The following FARP1 variants were observed in gnomAD, a reference collection of about 807,000 sequenced individuals.
The protein encoded by FARP1 is FERM, ARHGEF and pleckstrin domain-containing protein 1.
FARP1 carries 52 observed loss-of-function variants against 128.8 expected under a neutral mutation model. That is an observed-to-expected ratio of 0.40 (90% CI 0.32 to 0.51). The LOEUF (loss-of-function observed/expected upper bound fraction) is 0.51, where lower values mean the gene tolerates loss of function less well. FARP1 is among the 20% of genes least tolerant of loss of function. The pLI is 0.45. For missense variants in FARP1, 1,333 were observed against 1,367.9 expected, an observed-to-expected ratio of 0.97 and a Z score of 0.40; for synonymous variants, 580 against 551.8, an observed-to-expected ratio of 1.05 and a Z score of -0.72.
At chr13:98,407,382 C>T (rs1427780171) in intron 13 of FARP1, 2 of 151,576 alleles carry the variant, frequency 1.3e-5, no homozygotes, top group East Asian at 3.9e-4. Flanking sequence ...TACCTTGAAA[C>T]AACTGCAGTT....
At chr13:98,232,549 A>G (rs76656822) in intron 2 of FARP1, among the ~76,000 whole-genome samples, 6,724 of 152,288 alleles carry the variant, frequency 0.044, 469 homozygotes, top group African/African-American at 0.15. Context: ...TTCCAACAGC[A>G]TGTGCTTATT....
At chr13:98,259,295 TACTC>T (rs1594330814) in intron 2 of FARP1, among the ~76,000 whole-genome samples, 1 of 149,396 alleles carries the variant, frequency 6.7e-6, no homozygotes, top group South Asian at 2.1e-4. Flanking sequence ...ATATATATAA[TACTC>T]TCTATATAGA....
intron 5 of FARP1, among the ~76,000 whole-genome samples, chr13:98,374,629 G>A (rs1357840198): frequency 1.3e-5 from 2 of 152,158 alleles, no homozygotes; most frequent in African/African-American, 4.8e-5. Flanking sequence ...TTGTGGTGCT[G>A]TTTAACTTGT....
chr13:98,155,405 G>A (rs1428644375), intron 1 of FARP1, among the ~76,000 whole-genome samples: 3 of 149,518 alleles, frequency 2.0e-5, no homozygotes, highest in African/African-American at 7.4e-5. Flanking sequence ...CAAGGAGCCC[G>A]ATAAGCTCCT....
At chr13:98,185,732 C>CT (rs1378744991) in intron 1 of FARP1, among the ~76,000 whole-genome samples, 1 of 151,450 alleles carries the variant, frequency 6.6e-6, no homozygotes, top group African/African-American at 2.4e-5. Flanking sequence ...GAGTCTCTCT[C>CT]TGTCGCCCAG....
intron 6 of FARP1, among the ~76,000 whole-genome samples, chr13:98,381,359 G>C (rs1483444745): frequency 6.6e-6 from 1 of 152,056 alleles, no homozygotes; most frequent in Non-Finnish European, 1.5e-5. Flanking sequence ...AATTATCTCT[G>C]GTAAGCTGAT....
At chr13:98,315,644 C>T (rs185661796) in intron 2 of FARP1, among the ~76,000 whole-genome samples, 14 of 152,234 alleles carry the variant, frequency 9.2e-5, no homozygotes, top group African/African-American at 1.9e-4. Flanking sequence ...TGGGTGGAGA[C>T]GGCCGTGCTT....
chr13:98,252,260 T>G (rs1883371697), intron 2 of FARP1, among the ~76,000 whole-genome samples: 1 of 152,218 alleles, frequency 6.6e-6, no homozygotes, highest in African/African-American at 2.4e-5. Flanking sequence ...CATTTGCATT[T>G]TGACTGTTCA....
At chr13:98,216,147 T>C (rs1400194092) in intron 2 of FARP1, among the ~76,000 whole-genome samples, 1 of 152,232 alleles carries the variant, frequency 6.6e-6, no homozygotes, top group Non-Finnish European at 1.5e-5. Context: ...GAAACAGATG[T>C]ATTCCTTAAC....
intron 3 of FARP1, among the ~76,000 whole-genome samples, chr13:98,355,603 A>T (rs1888607793): frequency 6.6e-6 from 1 of 152,182 alleles, no homozygotes; most frequent in Non-Finnish European, 1.5e-5. Context: ...ACTTAGGGCA[A>T]TTTTAATACA....
At chr13:98,284,530 G>C (rs1159812959) in intron 2 of FARP1, among the ~76,000 whole-genome samples, 2 of 152,076 alleles carry the variant, frequency 1.3e-5, no homozygotes, top group African/African-American at 2.4e-5. Flanking sequence ...CAGACACATA[G>C]ATATTTGGGA....
chr13:98,453,219 AAG>A lies in FARP1; in HGVS notation c.*4914_*4915del, dbSNP rs748089047. ...ACCACTTAGAGAGTATCTAGGGAAAAAGAGAGAGAGAGAAGTCAACACATGTC... is the reference window on the plus strand; with the variant it reads ...ACCACTTAGAGAGTATCTAGGGAAAAAGAGAGAGAGAAGTCAACACATGTC... On this transcript the variant is annotated 3_prime_UTR_variant, in exon 27 of 27. Transcript: ENST00000319562. 6.1e-4 allele frequency: 972 copies of A among 1,594,834 alleles called. 2 individuals are homozygous for A. Among genetic ancestry groups the A allele is most frequent in the Admixed American group, 1.0e-3 (61 of 59,086 alleles).
chr13:98,221,373 A>T (rs1012243029), intron 2 of FARP1, among the ~76,000 whole-genome samples: 11 of 152,316 alleles, frequency 7.2e-5, no homozygotes, highest in African/African-American at 2.6e-4. Flanking sequence ...CTTCTGTCAG[A>T]TGGAGTCATT....
Position 98,201,345 on chromosome 13 carries a change from C to T in FARP1, c.-23-11875C>T, listed in dbSNP as rs143186887. Among the ~76,000 whole-genome samples, 397 of 152,274 alleles carry T rather than the reference C, an allele frequency of 2.6e-3. 3 individuals are homozygous for T. Among genetic ancestry groups the T allele is most frequent in the African/African-American group, 8.8e-3 (366 of 41,556 alleles). ...CAGCCCAGCTATTCAGGAGGCTGAA[C>T]GGGGGAGGAACGCTTGAGCCCAGGA... is the stretch of plus-strand genomic sequence containing the variant. On this transcript the variant is annotated intron_variant, in intron 1 of 26. Coordinates refer to ENST00000319562, the MANE Select transcript of FARP1 (RefSeq NM_005766.4).
intron 6 of FARP1, 33 bp from the exon 7 acceptor site, chr13:98,384,697 A>C (rs776109097): frequency 1.5e-6 from 2 of 1,332,640 alleles, no homozygotes; most frequent in Admixed American, 1.7e-5. Flanking sequence ...TGTCATTCCT[A>C]CGTGACCTGT....
chr13:98,176,853 G>A lies in FARP1; in HGVS notation c.-24+33361G>A, dbSNP rs1878092174. 3.1e-6 allele frequency: 5 copies of A among 1,610,558 alleles called. No individual in the cohort carries two copies. Among genetic ancestry groups the A allele is most frequent in the Non-Finnish European group, 4.2e-6 (5 of 1,179,968 alleles). ...CCTCCTGGACCCGCTGGCTGCACTT[G>A]AGGATGGTCGGCGTATGGTGCTCCT... On this transcript the variant is annotated intron_variant, in intron 1 of 26. Coordinates refer to ENST00000319562, the MANE Select transcript of FARP1 (RefSeq NM_005766.4). The surrounding 1 kb of genome is among the most constrained non-coding windows in gnomAD (Gnocchi z 6.2).
At chr13:98,214,741 G>T (rs1880958354) in intron 2 of FARP1, among the ~76,000 whole-genome samples, 1 of 152,180 alleles carries the variant, frequency 6.6e-6, no homozygotes, top group Admixed American at 6.5e-5. Flanking sequence ...TGTGGAATTT[G>T]TATCTTTCAA....
intron 16 of FARP1, among the ~76,000 whole-genome samples, chr13:98,414,596 GC>G (rs1891308794): frequency 1.3e-5 from 2 of 152,264 alleles, no homozygotes; most frequent in South Asian, 4.2e-4. Flanking sequence ...ATATAACCCA[GC>G]CCTGTTATAT....
In FARP1 at chr13:98,453,355, A is replaced by G. The variant is rs1306237111; in HGVS notation, c.*5038A>G. Reference sequence around the variant, plus strand: ...GAGCAAATATCAATGTGTAAGTCTAATTTTAAAAGAATGCATATAAAGACT... The same window carrying G: ...GAGCAAATATCAATGTGTAAGTCTAGTTTTAAAAGAATGCATATAAAGACT... On this transcript the variant is annotated 3_prime_UTR_variant, in exon 27 of 27. Transcript: ENST00000319562. 2.5e-6 allele frequency: 2 copies of G among 789,428 alleles called. No homozygotes were observed. The highest frequency in any genetic ancestry group is 3.5e-5 in the African/African-American group (2 of 57,008). The allele number at this position is 789,428 out of a possible 1,614,324, so 48.9% of individuals were successfully genotyped here.
Sources: gnomAD v4.1 joint callset for allele counts (sites outside exome capture counted in the v4.1 genomes callset) on GRCh38, gnomAD v4.1.1 for gene constraint, Gnocchi (gnomAD v3.1) non-coding constraint, MANE v1.5 for transcripts, NCBI Gene and HGNC (gene_info 2026-07-23, HGNC 2026-07-21) for gene names.